The following SI variants were observed in gnomAD, a reference collection of about 807,000 sequenced individuals.
SI encodes sucrase-isomaltase, intestinal.
Under a neutral mutation model 253.3 loss-of-function variants are expected in SI, and 235 were observed. The ratio of observed to expected loss-of-function variants is 0.93; its 90% confidence interval spans 0.83 to 1.03. The LOEUF (loss-of-function observed/expected upper bound fraction) is 1.03, where lower values mean the gene tolerates loss of function less well. Ranked by LOEUF, SI falls within the 50% of genes least tolerant of loss-of-function variation. SI has a pLI of 0.00. For synonymous variants in SI, 819 were observed against 712.0 expected (o/e 1.15, Z -2.39); for missense variants, 2,442 against 2,211.1 (o/e 1.10, Z -2.09).
At position 165,008,016 on chromosome 3, in the gene SI, G is replaced by A. The variant is rs1435500332; in HGVS notation, c.4180-18C>T. On this transcript the variant is annotated intron_variant, in intron 35 of 47. Transcript: ENST00000264382. ...TTCATATCCTTAAAAAAAGATGAAA[G>A]AAAAAGGTAAACAAAAGATAAATTT... 1.5e-6 allele frequency: 2 copies of A among 1,302,514 alleles called. No homozygotes were observed. Among genetic ancestry groups the A allele is most frequent in the Non-Finnish European group, 2.2e-6 (2 of 900,156 alleles). 80.7% of individuals were successfully genotyped at this position (1,302,514 alleles called of 1,614,324 possible).
At chr3:165,044,917 T>C (rs1327919872) in intron 16 of SI, among the ~76,000 whole-genome samples, 3 of 152,070 alleles carry the variant, frequency 2.0e-5, no homozygotes, top group Non-Finnish European at 4.4e-5. Flanking sequence ...TCTGGGACTG[T>C]TTATTGTGCA....
chr3:164,994,472 A>C, intron 40 of SI, 67 bp from the exon 41 acceptor site: 1 of 1,520,296 alleles, frequency 6.6e-7, no homozygotes, highest in Non-Finnish European at 9.1e-7. Context: ...ATTCATATTC[A>C]TATTTGAAGA....
intron 41 of SI, 147 bp from the exon 42 acceptor site, chr3:164,992,544 A>G: frequency 1.6e-6 from 1 of 635,936 alleles, no homozygotes; most frequent in Admixed American, 2.9e-5. Flanking sequence ...AAAATATATC[A>G]GTTGGAATGT....
intron 37 of SI, among the ~76,000 whole-genome samples, chr3:164,999,818 A>T (rs917575158): frequency 2.0e-5 from 3 of 151,710 alleles, no homozygotes; most frequent in Non-Finnish European, 3.0e-5. Context: ...TGTTAAACAG[A>T]CATAACATAT....
chr3:164,992,134 C>A (rs142656939), intron 43 of SI, 43 bp downstream of exon 43: 255 of 1,487,680 alleles, frequency 1.7e-4, no homozygotes, highest in Non-Finnish European at 2.3e-4. Context: ...AACAATTACC[C>A]GTTTCTGTTT....
intron 37 of SI, 112 bp from the exon 38 acceptor site, chr3:164,998,785 CATTT>C (rs1718135120): frequency 1.2e-6 from 1 of 868,780 alleles, no homozygotes; most frequent in Non-Finnish European, 1.9e-6. Context: ...CTTATATTGT[CATTT>C]ATTACAACTG....
intron 13 of SI, among the ~76,000 whole-genome samples, chr3:165,054,504 GC>G (rs1430186327): frequency 6.6e-6 from 1 of 151,842 alleles, no homozygotes; most frequent in Non-Finnish European, 1.5e-5. Context: ...ACAGGCATGT[GC>G]CACCAAGCCC....
chr3:165,009,371 G>A lies in SI; in HGVS notation c.4087C>T (p.Pro1363Ser), dbSNP rs1576882468. The change falls in exon 35 of 48, where the codon CCA (proline) becomes TCA (serine). Residue 1363 changes from proline to serine, a missense_variant. Physicochemically the swap from Pro to Ser is moderately conservative, Grantham distance 74 (BLOSUM62 -1). Transcript: ENST00000264382. ...GCTGTGGAAGTCCTGAAGAAATCTG[G>A]GAAAGCTACATGAGCTCTGGAAGCC... ...VNASRAHVAF[P>S]DFFRTSTAEW... The A allele has an allele frequency of 2.5e-6, 4 of 1,613,316 alleles. No individual in the cohort carries two copies. The highest frequency in any genetic ancestry group is 4.5e-5 in the East Asian group (2 of 44,778).
At chr3:164,994,730 A>C (rs1019417010) in intron 40 of SI, among the ~76,000 whole-genome samples, 1 of 151,798 alleles carries the variant, frequency 6.6e-6, no homozygotes, top group Non-Finnish European at 1.5e-5. Flanking sequence ...TGATCAGTGT[A>C]GGAGATAAAT....
rs139329632 is a variant in SI at position 164,995,355 on chromosome 3, G to T, written c.4693-950C>A. Among the ~76,000 whole-genome samples, 54 of 151,704 alleles carry T rather than the reference G, an allele frequency of 3.6e-4. No homozygotes were observed. The East Asian group carries it at 8.1e-3, about 23-fold the overall frequency. ...TGGTATTTCCAAAGTTAAATAAGAA[G>T]AAAAAAGGCAAAGATCATATCTGTT... On this transcript the variant is annotated intron_variant, in intron 40 of 47. Coordinates refer to ENST00000264382, the MANE Select transcript of SI (RefSeq NM_001041.4).
At chr3:165,037,312 A>G (rs1281383725) in intron 21 of SI, among the ~76,000 whole-genome samples, 1 of 152,006 alleles carries the variant, frequency 6.6e-6, no homozygotes, top group African/African-American at 2.4e-5. Flanking sequence ...AATAGGGAAA[A>G]GTATGTAAAT....
At chr3:165,028,666 C>A (rs191986085) in intron 25 of SI, among the ~76,000 whole-genome samples, 1 of 150,102 alleles carries the variant, frequency 6.7e-6, no homozygotes, top group East Asian at 2.2e-4. Flanking sequence ...TTCGATAAAG[C>A]AGACAAAAAC....
At chr3:165,044,083 C>T (rs551354360) in intron 16 of SI, among the ~76,000 whole-genome samples, 162 of 151,882 alleles carry the variant, frequency 1.1e-3, no homozygotes, top group Non-Finnish European at 1.8e-3. Flanking sequence ...GTTTCCTGAA[C>T]AAAATTATAT....
intron 37 of SI, among the ~76,000 whole-genome samples, chr3:165,003,192 T>C (rs1044126043): frequency 8.6e-5 from 13 of 151,950 alleles, no homozygotes; most frequent in African/African-American, 3.1e-4. Flanking sequence ...GACTCTGTAA[T>C]GTGCTTCAGA....
intron 41 of SI, 122 bp downstream of exon 41, chr3:164,994,135 G>T: frequency 2.5e-6 from 2 of 797,128 alleles, no homozygotes; most frequent in Non-Finnish European, 4.2e-6. Context: ...AAAAATGTGT[G>T]CTAATATAAC....
chr3:165,045,626 CTCCTT>C (rs1487865180), intron 16 of SI, among the ~76,000 whole-genome samples: 1 of 151,340 alleles, frequency 6.6e-6, no homozygotes, highest in Non-Finnish European at 1.5e-5. Context: ...TTTATTGTTT[CTCCTT>C]TTCCACTTTT....
intron 25 of SI, among the ~76,000 whole-genome samples, chr3:165,029,113 C>G (rs985815696): frequency 6.6e-6 from 1 of 150,998 alleles, no homozygotes; most frequent in Non-Finnish European, 1.5e-5. Flanking sequence ...AAAAAGTGGA[C>G]TAAAGGCATG....
At chr3:165,037,097 G>A (rs181469493) in intron 21 of SI, among the ~76,000 whole-genome samples, 1 of 151,672 alleles carries the variant, frequency 6.6e-6, no homozygotes, top group African/African-American at 2.4e-5. Context: ...ACAATTTTTT[G>A]AGAACATACT....
At chr3:165,051,918 TTGAATCAGAA>T (rs1339723962) in intron 13 of SI, among the ~76,000 whole-genome samples, 2 of 151,960 alleles carry the variant, frequency 1.3e-5, no homozygotes, top group Non-Finnish European at 2.9e-5. Context: ...TTCAACATGA[TTGAATCAGAA>T]TGTGATTATT....
Sources: gnomAD v4.1 joint callset for allele counts (sites outside exome capture counted in the v4.1 genomes callset) on GRCh38, gnomAD v4.1.1 for gene constraint, MANE v1.5 for transcripts, NCBI Gene and HGNC (gene_info 2026-07-23, HGNC 2026-07-21) for gene names.